IRS1: variants seen among roughly 807,000 people sequenced by gnomAD.
IRS1 encodes the protein insulin receptor substrate 1.
IRS1 carries 34 observed loss-of-function variants against 65.6 expected under a neutral mutation model. That is an observed-to-expected ratio of 0.52 (90% CI 0.39 to 0.69). The LOEUF (loss-of-function observed/expected upper bound fraction) is 0.69, where lower values mean the gene tolerates loss of function less well. Ranked by LOEUF, IRS1 falls within the 30% of genes least tolerant of loss-of-function variation. The pLI is 0.00. For missense variants in IRS1, 1,641 were observed against 1,720.2 expected (o/e 0.95, Z 0.81); for synonymous variants, 699 against 683.5 (o/e 1.02, Z -0.35).
At chr2:226,771,358 T>C (rs996880949) in intron 1 of IRS1, among the ~76,000 whole-genome samples, 3 of 152,034 alleles carry the variant, frequency 2.0e-5, no homozygotes, top group Non-Finnish European at 4.4e-5. Context: ...CAAAATTACT[T>C]CAGAGCATTC....
intron 1 of IRS1, among the ~76,000 whole-genome samples, chr2:226,750,616 T>C (rs1047982234): frequency 1.3e-5 from 2 of 152,208 alleles, no homozygotes; most frequent in African/African-American, 4.8e-5. Flanking sequence ...ATATCATGGG[T>C]ATTAGATTAA....
intron 1 of IRS1, among the ~76,000 whole-genome samples, chr2:226,745,077 G>A (rs1938512508): frequency 6.6e-6 from 1 of 152,188 alleles, no homozygotes; most frequent in Admixed American, 6.5e-5. Context: ...TTTACCTGAA[G>A]AATATCTGTT....
Position 226,798,920 on chromosome 2 carries a change from G to C in IRS1, c.-182C>G. 6.7e-7 allele frequency: 1 copy of C among 1,489,394 alleles called. No homozygotes were observed. The highest frequency in any genetic ancestry group is 8.9e-7 in the Non-Finnish European group (1 of 1,118,390). 92.3% of individuals were successfully genotyped at this position (1,489,394 alleles called of 1,614,324 possible). ...GGGGCAGCTGAAGGAGGACGCAGCTGCTGAGCCCAGGAGAGAGCCCGACCG... is the reference window on the plus strand; with the variant it reads ...GGGGCAGCTGAAGGAGGACGCAGCTCCTGAGCCCAGGAGAGAGCCCGACCG... On this transcript the variant is annotated 5_prime_UTR_variant, in exon 1 of 2. Coordinates refer to ENST00000305123, the MANE Select transcript of IRS1 (RefSeq NM_005544.3). This position sits in a 1 kb window ranked among gnomAD's most constrained non-coding sequence, Gnocchi z 9.4.
chr2:226,780,713 T>C (rs1431562613), intron 1 of IRS1, among the ~76,000 whole-genome samples: 3 of 152,182 alleles, frequency 2.0e-5, no homozygotes, highest in Non-Finnish European at 4.4e-5. Context: ...TTGCAATTAA[T>C]TTTATCCAAG....
At chr2:226,767,230 T>C (rs1448043882) in intron 1 of IRS1, among the ~76,000 whole-genome samples, 1 of 152,192 alleles carries the variant, frequency 6.6e-6, no homozygotes, top group African/African-American at 2.4e-5. Flanking sequence ...ACAGTGCCAG[T>C]CAAATGGCAG....
Position 226,734,798 on chromosome 2 carries a change from T to A in IRS1, c.*1474A>T, listed in dbSNP as rs1938295545. On this transcript the variant is annotated 3_prime_UTR_variant, in exon 2 of 2. Transcript: ENST00000305123. The stretch of plus-strand genomic sequence containing the variant: ...CCATTTGTTTTTCACGTGGAAAAAA[T>A]TCCAAGACGTGTATACTTTCCAAAC... 6.6e-6 allele frequency: 1 copy of A among 152,176 alleles called. No individual in the cohort carries two copies. 9.4% of individuals were successfully genotyped at this position (152,176 alleles called of 1,614,324 possible). A position where few individuals can be genotyped will look rare whatever the true frequency, so the allele number is the denominator to read the frequency against.
rs762737282 is a variant in IRS1, at chr2:226,795,107, A to G, written c.3632T>C (p.Leu1211Pro). 15 of 539,096 alleles carry G rather than the reference A, an allele frequency of 2.8e-5. No individual in the cohort carries two copies. In the East Asian group the frequency reaches 1.2e-3, roughly 42 times the overall value. The allele number at this position is 539,096 out of a possible 1,614,324, so 33.4% of individuals were successfully genotyped here. ...PPPPPPPHQP[L>P]GSGESSSTRR... ...GGTGGAGCTGCTCTCACCGCTGCCC[A>G]GGGGTTGATGAGGGGGTGGGGGTGG... Residue 1211 changes from leucine (L) to proline (P), a missense_variant, in exon 1 of 2, where the codon CTG (leucine) becomes CCG (proline). Transcript: ENST00000305123.
At chr2:226,739,825 A>G (rs1303702939) in intron 1 of IRS1, among the ~76,000 whole-genome samples, 3 of 152,238 alleles carry the variant, frequency 2.0e-5, no homozygotes, top group African/African-American at 7.2e-5. Context: ...GCGTAACTTA[A>G]TATATTTTTT....
At chr2:226,742,248 C>T (rs1574639733) in intron 1 of IRS1, among the ~76,000 whole-genome samples, 1 of 152,180 alleles carries the variant, frequency 6.6e-6, no homozygotes, top group Non-Finnish European at 1.5e-5. Flanking sequence ...CAATTCTCAA[C>T]TCTAAGGCCT....
chr2:226,785,833 G>A (rs999812387), intron 1 of IRS1, among the ~76,000 whole-genome samples: 7 of 149,734 alleles, frequency 4.7e-5, no homozygotes, highest in East Asian at 2.0e-4. Context: ...ATGCTGGTGC[G>A]CTGCACCCAT....
intron 1 of IRS1, among the ~76,000 whole-genome samples, chr2:226,766,163 A>ATATATATAT (rs58592685): frequency 2.2e-4 from 1 of 4,596 alleles, no homozygotes. Flanking sequence ...ATATATATAT[A>ATATATATAT]TTTTTTTTTT....
At chr2:226,749,696 A>G (rs1055067186) in intron 1 of IRS1, among the ~76,000 whole-genome samples, 13 of 152,216 alleles carry the variant, frequency 8.5e-5, no homozygotes, top group African/African-American at 2.9e-4. Flanking sequence ...CTGAACAAAA[A>G]TTCAACTTAG....
chr2:226,776,388 A>T (rs1939274445), intron 1 of IRS1, among the ~76,000 whole-genome samples: 1 of 152,086 alleles, frequency 6.6e-6, no homozygotes, highest in Non-Finnish European at 1.5e-5. Flanking sequence ...GTGGGTAGAT[A>T]ACTGCCCAAT....
At chr2:226,752,250 A>G (rs546608956) in intron 1 of IRS1, among the ~76,000 whole-genome samples, 1 of 152,296 alleles carries the variant, frequency 6.6e-6, no homozygotes, top group East Asian at 1.9e-4. Flanking sequence ...AAAGGTACCA[A>G]AATTTAGAAA....
At position 226,799,162 on chromosome 2, in the gene IRS1, C is replaced by T. The variant is rs1319163072; in HGVS notation, c.-424G>A. The stretch of plus-strand genomic sequence containing the variant: ...GGAGCGCGCGCGCGCGCGCGCCTTC[C>T]CTCCTGAGTTCCCCTCTGGAAGCAG... On this transcript the variant is annotated 5_prime_UTR_variant, in exon 1 of 2. Coordinates refer to ENST00000305123, the MANE Select transcript of IRS1 (RefSeq NM_005544.3). The surrounding 1 kb of genome is among the most constrained non-coding windows in gnomAD (Gnocchi z 6.1). 2 of 1,104,360 alleles carry T rather than the reference C, an allele frequency of 1.8e-6. No homozygotes were observed. The highest frequency in any genetic ancestry group is 2.2e-6 in the Non-Finnish European group (2 of 893,684). The allele number at this position is 1,104,360 out of a possible 1,614,324, so 68.4% of individuals were successfully genotyped here.
At chr2:226,767,582 T>C (rs1423245944) in intron 1 of IRS1, among the ~76,000 whole-genome samples, 1 of 152,096 alleles carries the variant, frequency 6.6e-6, no homozygotes, top group Non-Finnish European at 1.5e-5. Context: ...ATAACCTGGG[T>C]GGCCAAGCAT....
chr2:226,789,315 G>A (rs1939546279), intron 1 of IRS1, among the ~76,000 whole-genome samples: 1 of 152,194 alleles, frequency 6.6e-6, no homozygotes, highest in Non-Finnish European at 1.5e-5. Context: ...AAAGGTCGGA[G>A]CTTCTGAATA....
Position 226,798,636 on chromosome 2 carries a change from C to T in IRS1, c.103G>A (p.Ala35Thr). The T allele has an allele frequency of 6.2e-7, 1 of 1,613,014 alleles. No homozygotes were observed. The highest frequency in any genetic ancestry group is 8.5e-7 in the Non-Finnish European group (1 of 1,179,554). ...MHKRFFVLRA[A>T]SEAGGPARLE... ...CGCGCCGGGCCCCCAGCCTCGCTGG[C>T]CGCGCGCAGTACGAAGAAGCGTTTG... Residue 35 changes from alanine to threonine, a missense_variant, in exon 1 of 2, where the codon GCC becomes ACC. Physicochemically the swap from Ala to Thr is moderately conservative, Grantham distance 58 (BLOSUM62 0). This residue lies in a region of IRS1 where 240 missense variants were observed against 229.6 expected (regional missense o/e 1.05). Transcript: ENST00000305123. This position sits in a 1 kb window ranked among gnomAD's most constrained non-coding sequence, Gnocchi z 9.4.
intron 1 of IRS1, among the ~76,000 whole-genome samples, chr2:226,737,963 C>T (rs549217542): frequency 2.0e-5 from 3 of 152,202 alleles, no homozygotes; most frequent in South Asian, 2.1e-4. Flanking sequence ...AGATGGTAGC[C>T]GTGAGCAGGC....
Sources: allele counts gnomAD v4.1 joint callset (sites outside exome capture counted in the v4.1 genomes callset), GRCh38; gene constraint gnomAD v4.1.1; regional missense constraint gnomAD v4.1.1; non-coding constraint Gnocchi (gnomAD v3.1); transcripts MANE v1.5; gene names NCBI Gene and HGNC (gene_info 2026-07-23, HGNC 2026-07-21).